The following GABRA2 variants were observed in gnomAD, a reference collection of about 807,000 sequenced individuals.
GABRA2 encodes gamma-aminobutyric acid receptor subunit alpha-2.
In GABRA2, 16 loss-of-function variants were observed where a neutral mutation model predicts 48.7. The observed-to-expected ratio is 0.33, with a 90% CI of 0.22 to 0.50. The LOEUF (loss-of-function observed/expected upper bound fraction) is 0.50. GABRA2 is among the 20% of genes least tolerant of loss of function. The pLI is 0.98. For missense variants in GABRA2, 275 were observed against 535.6 expected (o/e 0.51, Z 4.80); for synonymous variants, 185 against 184.5 (o/e 1.00, Z -0.02).
chr4:46,293,407 A>AGC (rs1724044389), intron 8 of GABRA2, among the ~76,000 whole-genome samples: 1 of 152,164 alleles, frequency 6.6e-6, no homozygotes, highest in East Asian at 1.9e-4. Flanking sequence ...AGAAAGGCAA[A>AGC]TAATCAGACA....
At position 46,247,467 on chromosome 4, in the gene GABRA2, G is replaced by A. The variant is rs1332560192; in HGVS notation, c.*2841C>T. On this transcript the variant is annotated 3_prime_UTR_variant, in exon 10 of 10. Coordinates refer to ENST00000381620, the MANE Select transcript of GABRA2 (RefSeq NM_000807.4). ...GAGTGATTTTAACACCAATTACAGG[G>A]CATGGCACAGGAGGTAAAAAATATT... Among the ~76,000 whole-genome samples the A allele has an allele frequency of 2.0e-5, 3 of 150,966 alleles. No individual in the cohort carries two copies. The East Asian group carries it at 5.9e-4, about 30-fold the overall frequency.
At chr4:46,274,561 G>A (rs1400700381) in intron 8 of GABRA2, among the ~76,000 whole-genome samples, 1 of 152,052 alleles carries the variant, frequency 6.6e-6, no homozygotes, top group Non-Finnish European at 1.5e-5. Flanking sequence ...TTGTGCCACA[G>A]CAATGATGTG....
chr4:46,317,995 TA>T lies in GABRA2; in HGVS notation c.256-5280del, dbSNP rs553631445. 3.6e-4 allele frequency among the ~76,000 whole-genome samples: 54 copies of T among 151,790 alleles called. No individual in the cohort carries two copies. In the Middle Eastern group the frequency reaches 0.014, roughly 38 times the overall value. On this transcript the variant is annotated intron_variant, in intron 4 of 9. Transcript: ENST00000381620. The stretch of plus-strand genomic sequence containing the variant: ...TACCGAAAGTTGATGGGTGGATTTT[TA>T]AATATGAACATCATAATTCACTAAC...
Position 46,325,740 on chromosome 4 carries a change from G to A in GABRA2, c.255+6875C>T, listed in dbSNP as rs190710355. On this transcript the variant is annotated intron_variant, in intron 4 of 9. Transcript: ENST00000381620. ...CATTTAAGTCTTTAATCCATCTTGA[G>A]TTGATTTTTGTATATTGTGAAAAGA... Among the ~76,000 whole-genome samples the A allele has an allele frequency of 1.4e-4, 21 of 152,048 alleles. No homozygotes were observed. In the East Asian group the frequency reaches 3.5e-3, roughly 25 times the overall value.
chr4:46,264,343 C>A (rs1299320524), intron 8 of GABRA2, among the ~76,000 whole-genome samples: 6 of 152,000 alleles, frequency 3.9e-5, no homozygotes, highest in Admixed American at 1.3e-4. Context: ...TAGCTAGAAC[C>A]TGTAGTATAA....
At chr4:46,255,073 C>T (rs1255878427) in intron 9 of GABRA2, among the ~76,000 whole-genome samples, 1 of 151,484 alleles carries the variant, frequency 6.6e-6, no homozygotes, top group Admixed American at 6.6e-5. Flanking sequence ...CTGGAGCTTG[C>T]CTCTATAATG....
chr4:46,319,213 C>T (rs1169506098), intron 4 of GABRA2, among the ~76,000 whole-genome samples: 1 of 151,778 alleles, frequency 6.6e-6, no homozygotes, highest in Non-Finnish European at 1.5e-5. Context: ...TGCCTGACTA[C>T]ATTAATTATA....
chr4:46,263,499 A>G (rs1031951896), intron 8 of GABRA2, among the ~76,000 whole-genome samples: 3 of 152,080 alleles, frequency 2.0e-5, no homozygotes, highest in Admixed American at 1.3e-4. Context: ...TTGTTTCCCC[A>G]TTAAATTATC....
At chr4:46,291,669 C>T (rs533022223) in intron 8 of GABRA2, among the ~76,000 whole-genome samples, 1 of 152,042 alleles carries the variant, frequency 6.6e-6, no homozygotes, top group East Asian at 1.9e-4. Flanking sequence ...CCAAGTTCTT[C>T]AGCTTTGGGT....
intron 4 of GABRA2, among the ~76,000 whole-genome samples, chr4:46,328,298 GCA>G (rs1294749674): frequency 8.9e-4 from 43 of 48,474 alleles, no homozygotes; most frequent in African/African-American, 2.9e-3. Flanking sequence ...GTGTGTGTGC[GCA>G]CACGCATGTG....
rs1183380561 is a variant in GABRA2 at position 46,247,188 on chromosome 4, T to TAATA, written c.*3116_*3119dup. 6.6e-6 allele frequency among the ~76,000 whole-genome samples: 1 copy of TAATA among 151,166 alleles called. No homozygotes were observed. The highest frequency in any genetic ancestry group is 1.5e-5 in the Non-Finnish European group (1 of 67,500). ...ATTTCTAAACATTAAGATTGGCACT[T>TAATA]AATAAAATCATTAAAATTTAAAAAA... On this transcript the variant is annotated 3_prime_UTR_variant, in exon 10 of 10. Transcript: ENST00000381620.
At position 46,308,725 on chromosome 4, in the gene GABRA2, C is replaced by T. The variant is rs186381974; in HGVS notation, c.559+1448G>A. On this transcript the variant is annotated intron_variant, in intron 6 of 9. Transcript: ENST00000381620. ...ACAGAAAACTATATGCTCAAGCATG[C>T]GATATTTCTGCACTCTGTAGATGCA... Among the ~76,000 whole-genome samples the T allele has an allele frequency of 4.2e-3, 646 of 152,220 alleles. 3 individuals are homozygous for T. The highest frequency in any genetic ancestry group is 0.014 in the African/African-American group (583 of 41,546).
At chr4:46,276,564 A>G (rs901711110) in intron 8 of GABRA2, among the ~76,000 whole-genome samples, 3 of 151,742 alleles carry the variant, frequency 2.0e-5, no homozygotes, top group African/African-American at 4.9e-5. Context: ...ACAGAAACAT[A>G]AAGAAGTCAC....
At chr4:46,275,328 C>T (rs1393793919) in intron 8 of GABRA2, among the ~76,000 whole-genome samples, 1 of 152,124 alleles carries the variant, frequency 6.6e-6, no homozygotes, top group East Asian at 1.9e-4. Context: ...CTTGCAAGAA[C>T]AACCCATCAA....
At chr4:46,359,892 G>C (rs2109952248) in intron 3 of GABRA2, among the ~76,000 whole-genome samples, 1 of 151,334 alleles carries the variant, frequency 6.6e-6, no homozygotes, top group Non-Finnish European at 1.5e-5. Flanking sequence ...ACTCCAGCCT[G>C]GGTAACAGAG....
intron 7 of GABRA2, 64 bp downstream of exon 7, chr4:46,305,504 T>C: frequency 6.8e-7 from 1 of 1,468,862 alleles, no homozygotes; most frequent in South Asian, 1.2e-5. Context: ...CTGACACACT[T>C]CCAAGTCCTT....
chr4:46,348,694 A>G (rs1332246718), intron 3 of GABRA2, among the ~76,000 whole-genome samples: 1 of 146,006 alleles, frequency 6.8e-6, no homozygotes, highest in East Asian at 2.1e-4. Context: ...CAAACACCGC[A>G]TGTTCTCACT....
chr4:46,288,820 A>G (rs1383852872), intron 8 of GABRA2, among the ~76,000 whole-genome samples: 2 of 152,170 alleles, frequency 1.3e-5, no homozygotes, highest in Non-Finnish European at 2.9e-5. Flanking sequence ...ATGCATCTGA[A>G]AAAGGTCTAA....
At chr4:46,337,011 T>C (rs1163685186) in intron 3 of GABRA2, among the ~76,000 whole-genome samples, 2 of 152,084 alleles carry the variant, frequency 1.3e-5, no homozygotes, top group Admixed American at 6.6e-5. Context: ...TTATAAAATC[T>C]TTGCAAAACT....
Sources: allele counts gnomAD v4.1 joint callset (sites outside exome capture counted in the v4.1 genomes callset), GRCh38; gene constraint gnomAD v4.1.1; transcripts MANE v1.5; gene names NCBI Gene and HGNC (gene_info 2026-07-23, HGNC 2026-07-21).